Variants in IGSF5 observed in about 807,000 individuals in gnomAD.
IGSF5 encodes the protein immunoglobulin superfamily 5 like.
Under a neutral mutation model 39.4 loss-of-function variants are expected in IGSF5, and 41 were observed. The observed-to-expected ratio is 1.04, with a 90% confidence interval of 0.81 to 1.35. IGSF5 has a LOEUF of 1.35. Among genes scored for constraint, IGSF5 ranks in the 40% most tolerant of loss-of-function variants. The pLI, the probability that IGSF5 is intolerant of heterozygous loss-of-function variation, is 0.00. For synonymous variants in IGSF5, 183 were observed against 175.3 expected (o/e 1.04, Z -0.34); for missense variants, 487 against 494.6 (o/e 0.98, Z 0.15).
chr21:39,725,915 A>T, the IGSF5 span: 1 of 152,316 alleles, frequency 6.6e-6, no homozygotes, highest in Admixed American at 6.5e-5. Context: ...GGACTGGAAG[A>T]TGAAACTGGG....
the IGSF5 span, chr21:39,725,753 T>A: frequency 6.6e-6 from 1 of 152,204 alleles, no homozygotes; most frequent in Admixed American, 6.5e-5. Flanking sequence ...AACTAGCACA[T>A]CATGCTCATA....
the IGSF5 span, among the ~76,000 whole-genome samples, chr21:39,732,027 C>G: frequency 1.4e-4 from 22 of 152,302 alleles, no homozygotes; most frequent in South Asian, 4.6e-3. Context: ...AGCAGCCCCA[C>G]AGAGAGGTCC....
chr21:39,716,443 C>A, the IGSF5 span, among the ~76,000 whole-genome samples: 63 of 152,108 alleles, frequency 4.1e-4, no homozygotes, highest in Middle Eastern at 3.4e-3. Context: ...TTTACATCAC[C>A]CAGATATTAA....
the IGSF5 span, among the ~76,000 whole-genome samples, chr21:39,723,342 T>C: frequency 0.012 from 1,881 of 152,276 alleles, 43 homozygotes; most frequent in African/African-American, 0.044. Flanking sequence ...GTCTCCAACA[T>C]GACTATGTGC....
At chr21:39,795,140 C>T (rs371524391) in intron 8 of IGSF5, among the ~76,000 whole-genome samples, 4 of 152,080 alleles carry the variant, frequency 2.6e-5, no homozygotes, top group South Asian at 2.1e-4. Context: ...TTCCTCAGGC[C>T]GGGTGTCAGG....
upstream of IGSF5, among the ~76,000 whole-genome samples, chr21:39,744,983 G>T (rs116400129): frequency 6.6e-6 from 1 of 152,150 alleles, no homozygotes; most frequent in African/African-American, 2.4e-5. Flanking sequence ...AGTGTTATAG[G>T]TTCATAGAGA....
chr21:39,791,797 C>T (rs1350816463), intron 6 of IGSF5: 1 of 500,338 alleles, frequency 2.0e-6, no homozygotes, highest in African/African-American at 1.9e-5. Flanking sequence ...CCAGGATAAA[C>T]TTTCATCTCT....
In IGSF5 at chr21:39,750,510, G is replaced by GA. The variant is rs33972671; in HGVS notation, c.100+4228dup. Among the ~76,000 whole-genome samples, 31 of 138,682 alleles carry GA rather than the reference G, an allele frequency of 2.2e-4. 1 individual carries two copies. The highest frequency in any genetic ancestry group is 5.8e-4 in the Admixed American group (8 of 13,720). 91.0% of individuals were successfully genotyped at this position (138,682 alleles called of 152,430 possible). A position where few individuals can be genotyped will look rare whatever the true frequency, so the allele number is the denominator to read the frequency against. On this transcript the variant is annotated intron_variant, in intron 2 of 8. Transcript: ENST00000380588. ...GTAACAGAGCAAGACACTGTCTCCAGAAAAAAAAAAAAAAAAGCAGTTCAG... is the reference window on the plus strand; with the variant it reads ...GTAACAGAGCAAGACACTGTCTCCAGAAAAAAAAAAAAAAAAAGCAGTTCAG...
intron 6 of IGSF5, among the ~76,000 whole-genome samples, chr21:39,789,281 A>G (rs952834027): frequency 6.6e-6 from 1 of 152,210 alleles, no homozygotes; most frequent in Non-Finnish European, 1.5e-5. Flanking sequence ...TGGGTAGAGG[A>G]TAACAACAAC....
chr21:39,784,051 C>T lies in IGSF5; in HGVS notation c.935-4116C>T, dbSNP rs377416315. 1.2e-4 allele frequency among the ~76,000 whole-genome samples: 19 copies of T among 152,142 alleles called. 1 individual carries two copies. The highest frequency in any genetic ancestry group is 1.2e-3 in the East Asian group (6 of 5,202). Reference sequence around the variant, plus strand: ...GCCAAAAATCAGTTAGCTGTAAATACGTGGATTTATTTCTGGGTTCTCAGT... The same window carrying T: ...GCCAAAAATCAGTTAGCTGTAAATATGTGGATTTATTTCTGGGTTCTCAGT... On this transcript the variant is annotated intron_variant, in intron 5 of 8. Coordinates refer to ENST00000380588, the MANE Select transcript of IGSF5 (RefSeq NM_001080444.2).
intron 2 of IGSF5, among the ~76,000 whole-genome samples, chr21:39,759,937 G>A (rs2080053216): frequency 6.6e-6 from 1 of 151,972 alleles, no homozygotes; most frequent in South Asian, 2.1e-4. Context: ...TTGAGGCCTG[G>A]AGGTGGCTAT....
At chr21:39,737,691 C>G in the IGSF5 span, among the ~76,000 whole-genome samples, 281 of 152,324 alleles carry the variant, frequency 1.8e-3, 1 homozygote, top group African/African-American at 6.4e-3. Context: ...TGTGGCCCCC[C>G]AGGAACCTCC....
At chr21:39,717,124 G>A in the IGSF5 span, among the ~76,000 whole-genome samples, 5 of 152,002 alleles carry the variant, frequency 3.3e-5, no homozygotes, top group African/African-American at 1.2e-4. Context: ...TTTTTCATAT[G>A]CTTCTTGGAC....
At chr21:39,773,695 A>C (rs930249895) in intron 4 of IGSF5, among the ~76,000 whole-genome samples, 5 of 152,182 alleles carry the variant, frequency 3.3e-5, no homozygotes, top group South Asian at 4.2e-4. Context: ...CCCTGTCTCC[A>C]CCTGGAATCA....
At chr21:39,724,356 T>C in the IGSF5 span, among the ~76,000 whole-genome samples, 2 of 152,216 alleles carry the variant, frequency 1.3e-5, no homozygotes, top group Non-Finnish European at 2.9e-5. Flanking sequence ...AGATTCCTTA[T>C]AGCTCGGTGA....
intron 3 of IGSF5, among the ~76,000 whole-genome samples, chr21:39,770,571 G>T (rs902036972): frequency 7.9e-5 from 12 of 152,014 alleles, no homozygotes; most frequent in Non-Finnish European, 1.6e-4. Context: ...TAATTCTGTA[G>T]CTCACTTCAG....
chr21:39,768,388 G>A (rs1232645128), intron 3 of IGSF5, among the ~76,000 whole-genome samples: 1 of 152,238 alleles, frequency 6.6e-6, no homozygotes, highest in Non-Finnish European at 1.5e-5. Context: ...TGAGTCATCT[G>A]AAATCCATGT....
At chr21:39,786,550 C>T (rs369240429) in intron 5 of IGSF5, among the ~76,000 whole-genome samples, 19 of 147,244 alleles carry the variant, frequency 1.3e-4, no homozygotes, top group Admixed American at 4.0e-4. Flanking sequence ...GTCGGTGTGG[C>T]GATTCCTCAG....
At chr21:39,787,713 T>C (rs886395817) in intron 5 of IGSF5, among the ~76,000 whole-genome samples, 11 of 152,154 alleles carry the variant, frequency 7.2e-5, no homozygotes, top group African/African-American at 2.7e-4. Context: ...ACACCTACTT[T>C]TGAGTTATTA....
Sources: gnomAD v4.1 joint callset for allele counts (sites outside exome capture counted in the v4.1 genomes callset) on GRCh38, gnomAD v4.1.1 for gene constraint, MANE v1.5 for transcripts, NCBI Gene and HGNC (gene_info 2026-07-23, HGNC 2026-07-21) for gene names.